CACNA1A: variants seen among roughly 807,000 people sequenced by gnomAD.
CACNA1A encodes calcium voltage-gated channel subunit alpha1 A, also known as voltage-dependent P/Q-type calcium channel subunit alpha-1A.
In CACNA1A, 57 loss-of-function variants were observed where a neutral mutation model predicts 262.4. That is an observed-to-expected ratio of 0.22 (90% confidence interval 0.18 to 0.27). The LOEUF (loss-of-function observed/expected upper bound fraction) is 0.27, where lower values mean the gene tolerates loss of function less well. CACNA1A is among the 10% of genes least tolerant of loss of function. The pLI, the probability that CACNA1A is intolerant of heterozygous loss-of-function variation, is 1.00. For synonymous variants in CACNA1A, 1,431 were observed against 1,419.3 expected (o/e 1.01, Z -0.18); for missense variants, 2,526 against 3,562.8 (o/e 0.71, Z 7.41).
At chr19:13,409,376 C>CTGTG (rs34775168) in intron 3 of CACNA1A, among the ~76,000 whole-genome samples, 1,699 of 149,116 alleles carry the variant, frequency 0.011, 31 homozygotes, top group African/African-American at 0.039. Flanking sequence ...TTTGACAATC[C>CTGTG]TGTGTGTGTG....
intron 1 of CACNA1A, among the ~76,000 whole-genome samples, chr19:13,496,999 A>C (rs1981611379): frequency 6.6e-6 from 1 of 152,156 alleles, no homozygotes; most frequent in Admixed American, 6.5e-5. Context: ...AAGATCACGC[A>C]GCCAGTGACT....
intron 24 of CACNA1A, among the ~76,000 whole-genome samples, chr19:13,266,215 C>CTT (rs561024736): frequency 6.7e-6 from 1 of 150,310 alleles, no homozygotes; most frequent in African/African-American, 2.5e-5. Flanking sequence ...ATATAGTTTC[C>CTT]TTTTTTTTTA....
chr19:13,425,062 C>T (rs2060378952), intron 3 of CACNA1A, among the ~76,000 whole-genome samples: 1 of 152,120 alleles, frequency 6.6e-6, no homozygotes, highest in African/African-American at 2.4e-5. Flanking sequence ...CCTTAGCCTC[C>T]CAAACAGCTG....
chr19:13,303,231 C>T (rs1317556503), intron 17 of CACNA1A, among the ~76,000 whole-genome samples: 2 of 152,144 alleles, frequency 1.3e-5, no homozygotes, highest in Non-Finnish European at 2.9e-5. Context: ...AGCCTGGGGG[C>T]TACACCATTC....
At chr19:13,485,444 C>T (rs1979855401) in intron 1 of CACNA1A, among the ~76,000 whole-genome samples, 1 of 151,952 alleles carries the variant, frequency 6.6e-6, no homozygotes, top group Admixed American at 6.6e-5. Flanking sequence ...GATCAAAAGC[C>T]AAGCCAAGAG....
chr19:13,310,545 A>G (rs1288731784), intron 12 of CACNA1A, among the ~76,000 whole-genome samples: 1 of 118,086 alleles, frequency 8.5e-6, no homozygotes, highest in Non-Finnish European at 1.6e-5. Flanking sequence ...AATTTTGTCC[A>G]CTTGAACTTT....
At chr19:13,354,869 CTTTTTTTTTTTTTT>C (rs56350383) in intron 6 of CACNA1A, among the ~76,000 whole-genome samples, 1 of 115,100 alleles carries the variant, frequency 8.7e-6, no homozygotes, top group African/African-American at 3.8e-5. Flanking sequence ...TTTTCTTTTT[CTTTTTTTTTTTTTT>C]TTTTTTTTTG....
chr19:13,475,539 A>G (rs780291316), intron 1 of CACNA1A, among the ~76,000 whole-genome samples: 4 of 152,210 alleles, frequency 2.6e-5, no homozygotes, highest in Non-Finnish European at 5.9e-5. Context: ...GGTGGGGAAA[A>G]TGACACTCTA....
At chr19:13,437,315 T>A (rs1234016304) in intron 3 of CACNA1A, among the ~76,000 whole-genome samples, 2 of 152,228 alleles carry the variant, frequency 1.3e-5, no homozygotes, top group Non-Finnish European at 2.9e-5. Context: ...GCTCAGTTCA[T>A]GCTCTCTGAA....
intron 38 of CACNA1A, among the ~76,000 whole-genome samples, chr19:13,218,669 C>G (rs557275364): frequency 6.6e-6 from 1 of 152,136 alleles, no homozygotes; most frequent in Non-Finnish European, 1.5e-5. Flanking sequence ...AGCTCTATCT[C>G]CTGGGTTGAA....
intron 6 of CACNA1A, among the ~76,000 whole-genome samples, chr19:13,344,586 C>G (rs1265933840): frequency 6.6e-6 from 1 of 152,116 alleles, no homozygotes; most frequent in Non-Finnish European, 1.5e-5. Flanking sequence ...TCAAGATTGT[C>G]ATCTTGATCA....
chr19:13,259,139 CTT>C (rs35977943), intron 27 of CACNA1A: 10 of 140,726 alleles, frequency 7.1e-5, no homozygotes, highest in Admixed American at 2.9e-4. Flanking sequence ...TTCAGCCTCA[CTT>C]TTTTTTTTTT....
chr19:13,307,670 A>G, intron 15 of CACNA1A, 112 bp downstream of exon 15: 1 of 814,496 alleles, frequency 1.2e-6, no homozygotes. Context: ...AAGTGGTGTG[A>G]AAAGGCCAGG....
intron 1 of CACNA1A, among the ~76,000 whole-genome samples, chr19:13,497,568 ATATATATATAT>A (rs1981831613): frequency 2.8e-5 from 1 of 35,762 alleles, no homozygotes; most frequent in Non-Finnish European, 5.0e-5. Flanking sequence ...ATATATATAT[ATATATATATAT>A]AAATTTATGT....
In CACNA1A at chr19:13,257,529, C is replaced by T. The variant is rs1187916307; in HGVS notation, c.4411G>A (p.Ala1471Thr). 1.5e-5 allele frequency: 24 copies of T among 1,587,224 alleles called. No individual in the cohort carries two copies. Among genetic ancestry groups the T allele is most frequent in the East Asian group, 4.6e-5 (2 of 43,954 alleles). The change falls in exon 28 of 47, where the codon GCC becomes ACC. Residue 1471 changes from alanine to threonine, a missense_variant. Ala to Thr is a moderately conservative substitution (Grantham distance 58, BLOSUM62 0). This residue lies in a region of CACNA1A where 137 missense variants were observed against 377.7 expected (regional missense o/e 0.36). Coordinates refer to ENST00000360228, the MANE Select transcript of CACNA1A (RefSeq NM_001127222.2). Reference sequence around the variant, plus strand: ...CTGGGGCCCTGGTTCTCAAAGGTGGCGTCCACCGAATGCTTGAGGACCCTG... The same window carrying T: ...CTGGGGCCCTGGTTCTCAAAGGTGGTGTCCACCGAATGCTTGAGGACCCTG... ...WPQVLKHSVD[A>T]TFENQGPSPG...
chr19:13,324,557 C>G (rs1207314769), intron 10 of CACNA1A, among the ~76,000 whole-genome samples: 1 of 152,118 alleles, frequency 6.6e-6, no homozygotes, highest in Non-Finnish European at 1.5e-5. Context: ...ACTCCATAAA[C>G]ATACACAATT....
In CACNA1A at chr19:13,214,992, TG is replaced by T; in HGVS notation, c.5732-385del. 1 of 157,084 alleles carries T rather than the reference TG, an allele frequency of 6.4e-6. No homozygotes were observed. The highest frequency in any genetic ancestry group is 1.2e-5 in the Non-Finnish European group (1 of 80,860). 9.7% of individuals were successfully genotyped at this position (157,084 alleles called of 1,614,324 possible). On this transcript the variant is annotated intron_variant, in intron 38 of 46. Coordinates refer to ENST00000360228, the MANE Select transcript of CACNA1A (RefSeq NM_001127222.2). The surrounding 1 kb of genome is among the most constrained non-coding windows in gnomAD (Gnocchi z 4.1). ...AGCAAGAGTACTTGCCTCACCTGGT[TG>T]TTGTGTGTGTGTGTGTGTGTTTTTT...
chr19:13,312,050 C>A (rs561436218), intron 12 of CACNA1A, among the ~76,000 whole-genome samples: 1 of 152,196 alleles, frequency 6.6e-6, no homozygotes, highest in East Asian at 1.9e-4. Context: ...GAATTCCTAG[C>A]AATGGAATGC....
intron 35 of CACNA1A, among the ~76,000 whole-genome samples, chr19:13,230,427 G>C (rs529775745): frequency 6.6e-6 from 1 of 152,070 alleles, no homozygotes; most frequent in Non-Finnish European, 1.5e-5. Context: ...CTCACACAAG[G>C]AGGTCCAGTG....
Sources: allele counts gnomAD v4.1 joint callset (sites outside exome capture counted in the v4.1 genomes callset), GRCh38; gene constraint gnomAD v4.1.1; regional missense constraint gnomAD v4.1.1; non-coding constraint Gnocchi (gnomAD v3.1); transcripts MANE v1.5; gene names NCBI Gene and HGNC (gene_info 2026-07-23, HGNC 2026-07-21).